Variants in ELAVL4 observed in about 807,000 individuals in gnomAD.
ELAVL4 encodes ELAV like RNA binding protein 4.
ELAVL4 carries 1 observed loss-of-function variant against 35.6 expected under a neutral mutation model. The ratio of observed to expected loss-of-function variants is 0.03; its 90% CI spans 0.01 to 0.13. ELAVL4 has a LOEUF of 0.13. Among genes scored for constraint, ELAVL4 ranks in the 10% least tolerant of loss-of-function variants. The pLI is 1.00. For missense variants in ELAVL4, 267 were observed against 464.9 expected, an observed-to-expected ratio of 0.57 and a Z score of 3.91; for synonymous variants, 156 against 171.0, an observed-to-expected ratio of 0.91 and a Z score of 0.69.
At chr1:50,095,999 G>GA (rs1273854120) in intron 1 of ELAVL4, among the ~76,000 whole-genome samples, 1 of 152,108 alleles carries the variant, frequency 6.6e-6, no homozygotes, top group Non-Finnish European at 1.5e-5. Context: ...TCTCACAACA[G>GA]AAAAAAATGA....
At chr1:50,048,728 C>A (rs557182582) in intron 1 of ELAVL4, among the ~76,000 whole-genome samples, 9 of 152,340 alleles carry the variant, frequency 5.9e-5, no homozygotes, top group Admixed American at 5.2e-4. Flanking sequence ...CCCTATCTTT[C>A]CTCTATTACA....
At chr1:50,165,752 A>ATGTGTATGTG (rs1553183156) in intron 2 of ELAVL4, among the ~76,000 whole-genome samples, 10 of 31,114 alleles carry the variant, frequency 3.2e-4, no homozygotes, top group African/African-American at 8.5e-4. Context: ...ATATACATAT[A>ATGTGTATGTG]TGTGTATATG....
intron 1 of ELAVL4, among the ~76,000 whole-genome samples, chr1:50,093,774 G>A (rs953663572): frequency 1.3e-5 from 2 of 152,180 alleles, no homozygotes; most frequent in East Asian, 1.9e-4. Context: ...TGAACAAAAC[G>A]TGGTCTCTCC....
intron 2 of ELAVL4, among the ~76,000 whole-genome samples, chr1:50,168,494 A>G (rs934850093): frequency 6.6e-6 from 1 of 152,162 alleles, no homozygotes; most frequent in Non-Finnish European, 1.5e-5. Context: ...ACTCAAGGCA[A>G]TCTCAGTAGA....
intron 1 of ELAVL4, among the ~76,000 whole-genome samples, chr1:50,111,394 A>G (rs929666631): frequency 6.6e-6 from 1 of 152,130 alleles, no homozygotes; most frequent in African/African-American, 2.4e-5. Context: ...TAGGTTCTGC[A>G]AATGATTTCT....
intron 1 of ELAVL4, among the ~76,000 whole-genome samples, chr1:50,115,790 G>A (rs962075770): frequency 1.3e-5 from 2 of 152,116 alleles, no homozygotes; most frequent in African/African-American, 4.8e-5. Flanking sequence ...CTTGTTGGGT[G>A]AAGATGTATT....
At position 50,202,439 on chromosome 1, in the gene ELAVL4, A is replaced by G. The variant is rs888047418; in HGVS notation, c.*1261A>G. The G allele has an allele frequency of 1.2e-4, 19 of 152,202 alleles. No individual in the cohort carries two copies. The highest frequency in any genetic ancestry group is 4.4e-5 in the Non-Finnish European group (3 of 68,022). 9.4% of individuals were successfully genotyped at this position (152,202 alleles called of 1,614,324 possible). A position where few individuals can be genotyped will look rare whatever the true frequency, so the allele number is the denominator to read the frequency against. Reference sequence around the variant, plus strand: ...ACATTTGCTTTAAATTCATTAAGAAATTTTCAAATTCACTTTGTAGCCCAT... The same window carrying G: ...ACATTTGCTTTAAATTCATTAAGAAGTTTTCAAATTCACTTTGTAGCCCAT... On this transcript the variant is annotated 3_prime_UTR_variant, in exon 7 of 7. Transcript: ENST00000371824.
At chr1:50,140,202 G>C (rs1319085489) in intron 1 of ELAVL4, among the ~76,000 whole-genome samples, 1 of 152,182 alleles carries the variant, frequency 6.6e-6, no homozygotes, top group African/African-American at 2.4e-5. Context: ...AGTTGGCTGT[G>C]AGACCCACAC....
intron 2 of ELAVL4, among the ~76,000 whole-genome samples, chr1:50,171,062 G>A (rs1384430412): frequency 6.6e-6 from 1 of 152,122 alleles, no homozygotes; most frequent in Non-Finnish European, 1.5e-5. Flanking sequence ...CACATACTTA[G>A]TTTGAGGAAA....
intron 3 of ELAVL4, among the ~76,000 whole-genome samples, chr1:50,192,515 G>GCACACACACACA (rs1220189674): frequency 2.5e-5 from 2 of 80,246 alleles, no homozygotes; most frequent in Admixed American, 1.4e-4. Context: ...GCTTTTGTGT[G>GCACACACACACA]CACGCACACA....
upstream of ELAVL4, among the ~76,000 whole-genome samples, chr1:50,102,927 T>C (rs555636192): frequency 1.3e-5 from 2 of 152,298 alleles, no homozygotes; most frequent in South Asian, 4.1e-4. Context: ...TTTACCTTTT[T>C]TTTTCAGAAT....
chr1:50,134,233 T>C (rs1218510231), intron 1 of ELAVL4, among the ~76,000 whole-genome samples: 2 of 152,192 alleles, frequency 1.3e-5, no homozygotes, highest in Non-Finnish European at 1.5e-5. Context: ...ACTGAGCCAC[T>C]AGCCAGGCAT....
rs144531092 is a variant in ELAVL4, at chr1:50,155,333, C to T, written c.250+10136C>T. Among the ~76,000 whole-genome samples, 979 of 152,056 alleles carry T rather than the reference C, an allele frequency of 6.4e-3. 5 individuals carry two copies. Among genetic ancestry groups the T allele is most frequent in the Middle Eastern group, 0.024 (7 of 292 alleles). On this transcript the variant is annotated intron_variant, in intron 2 of 6. Coordinates refer to ENST00000371824, the MANE Select transcript of ELAVL4 (RefSeq NM_001144774.3). ...CAAGTAGTTACCAGAATCCCCACAC[C>T]CTCTCCCACCACTGGCCCTGTAGCC...
intron 1 of ELAVL4, chr1:50,109,534 G>C (rs1239812457): frequency 2.9e-6 from 1 of 348,588 alleles, no homozygotes; most frequent in Non-Finnish European, 5.2e-6. Context: ...TTTTTTGTAA[G>C]GGAGAGGGGG....
At chr1:50,199,572 G>A (rs779144076) in intron 6 of ELAVL4, among the ~76,000 whole-genome samples, 8 of 152,098 alleles carry the variant, frequency 5.3e-5, no homozygotes, top group Admixed American at 1.3e-4. Flanking sequence ...GTCAGGCATG[G>A]TGGTGCGTGC....
At chr1:50,125,078 T>C (rs1669670385) in intron 1 of ELAVL4, among the ~76,000 whole-genome samples, 1 of 151,792 alleles carries the variant, frequency 6.6e-6, no homozygotes, top group Non-Finnish European at 1.5e-5. Flanking sequence ...ATAGAGTAAG[T>C]AAGTAGTAAG....
rs1282739153 is a variant in ELAVL4, at chr1:50,200,949, C to G, written c.872C>G (p.Ser291Cys). The G allele has an allele frequency of 5.0e-6, 8 of 1,613,946 alleles. No individual in the cohort carries two copies. The highest frequency in any genetic ancestry group is 6.8e-6 in the Non-Finnish European group (8 of 1,180,000). The change falls in exon 7 of 7, where the codon TCC becomes TGC. Residue 291 changes from serine to cysteine, a missense_variant. Around this residue, in one of 2 missense-constraint regions of ELAVL4, gnomAD observed 216 missense variants for 409.5 expected, o/e 0.53. Transcript: ENST00000371824. Reference protein sequence around the residue: ...TGWCIFVYNLSPDSDESVLWQ... With the variant: ...TGWCIFVYNLCPDSDESVLWQ... Reference sequence around the variant, plus strand: ...TGGTGCATCTTTGTCTACAACCTGTCCCCCGATTCCGATGAGAGTGTCCTC... The same window carrying G: ...TGGTGCATCTTTGTCTACAACCTGTGCCCCGATTCCGATGAGAGTGTCCTC...
intron 1 of ELAVL4, among the ~76,000 whole-genome samples, chr1:50,068,916 G>T (rs777085577): frequency 9.2e-5 from 14 of 152,154 alleles, no homozygotes; most frequent in African/African-American, 2.7e-4. Flanking sequence ...TGACCATAGA[G>T]CTGTACCTGA....
chr1:50,127,271 A>G (rs1282286289), intron 1 of ELAVL4, among the ~76,000 whole-genome samples: 1 of 152,042 alleles, frequency 6.6e-6, no homozygotes, highest in Admixed American at 6.6e-5. Flanking sequence ...TAAGAAGTCA[A>G]CCAAAATTCA....
Sources: gnomAD v4.1 joint callset for allele counts (sites outside exome capture counted in the v4.1 genomes callset) on GRCh38, gnomAD v4.1.1 for gene constraint, gnomAD v4.1.1 regional missense constraint, MANE v1.5 for transcripts, NCBI Gene and HGNC (gene_info 2026-07-23, HGNC 2026-07-21) for gene names.